The following TEKT5 variants were observed in gnomAD, a reference collection of about 807,000 sequenced individuals.
TEKT5 encodes tektin-5.
TEKT5 carries 52 observed loss-of-function variants against 48.7 expected under a neutral mutation model. That is an observed-to-expected ratio of 1.07 (90% CI 0.86 to 1.35). TEKT5 has a LOEUF of 1.35. Among genes scored for constraint, TEKT5 ranks in the 40% most tolerant of loss-of-function variants. The pLI is 0.00. For missense variants in TEKT5, 831 were observed against 641.6 expected (o/e 1.30, Z -3.19); for synonymous variants, 318 against 267.6 (o/e 1.19, Z -1.84).
At chr16:10,661,367 T>A (rs1898367489) in intron 5 of TEKT5, among the ~76,000 whole-genome samples, 1 of 152,226 alleles carries the variant, frequency 6.6e-6, no homozygotes, top group South Asian at 2.1e-4. Flanking sequence ...TGGACCAGCA[T>A]CTTTGGACTT....
intron 3 of TEKT5, among the ~76,000 whole-genome samples, chr16:10,683,197 AATTC>A (rs2142309637): frequency 6.6e-6 from 1 of 151,816 alleles, no homozygotes; most frequent in South Asian, 2.1e-4. Flanking sequence ...GGGGAATGAG[AATTC>A]CAAGCCGACA....
At chr16:10,677,850 C>T (rs145669304) in intron 4 of TEKT5, among the ~76,000 whole-genome samples, 3 of 151,462 alleles carry the variant, frequency 2.0e-5, no homozygotes, top group Non-Finnish European at 2.9e-5. Flanking sequence ...GACAGAGAGC[C>T]CAGGAGAGGT....
At chr16:10,689,015 T>C (rs1188640431) in intron 3 of TEKT5, among the ~76,000 whole-genome samples, 1 of 152,056 alleles carries the variant, frequency 6.6e-6, no homozygotes, top group Non-Finnish European at 1.5e-5. Flanking sequence ...AGTAACATCA[T>C]ATTAGCAGCT....
At chr16:10,680,775 C>T (rs531182128) in intron 4 of TEKT5, among the ~76,000 whole-genome samples, 16 of 144,592 alleles carry the variant, frequency 1.1e-4, no homozygotes, top group Non-Finnish European at 1.8e-4. Context: ...AACCAAACAC[C>T]GCATATTCTC....
At chr16:10,679,169 G>A (rs947853274) in intron 4 of TEKT5, among the ~76,000 whole-genome samples, 4 of 152,146 alleles carry the variant, frequency 2.6e-5, no homozygotes, top group Non-Finnish European at 4.4e-5. Context: ...CAGAGTAAGC[G>A]CCCAAAAAAT....
intron 5 of TEKT5, among the ~76,000 whole-genome samples, chr16:10,664,132 C>T (rs1644300066): frequency 6.6e-6 from 1 of 152,198 alleles, no homozygotes; most frequent in Non-Finnish European, 1.5e-5. Context: ...TGTGTGTTTG[C>T]TTATTTTTTT....
At chr16:10,664,468 G>A (rs983031151) in intron 5 of TEKT5, among the ~76,000 whole-genome samples, 1 of 152,218 alleles carries the variant, frequency 6.6e-6, no homozygotes, top group Non-Finnish European at 1.5e-5. Flanking sequence ...ATGGTCCAAG[G>A]ACCACACTTT....
intron 2 of TEKT5, among the ~76,000 whole-genome samples, chr16:10,689,731 T>A (rs1483070002): frequency 6.6e-6 from 1 of 152,126 alleles, no homozygotes; most frequent in East Asian, 1.9e-4. Context: ...ATCATGCCCA[T>A]TTTGGAGATG....
intron 5 of TEKT5, among the ~76,000 whole-genome samples, chr16:10,657,171 G>A (rs368883187): frequency 6.6e-6 from 1 of 150,984 alleles, no homozygotes; most frequent in East Asian, 1.9e-4. Flanking sequence ...TGTTGCCCAG[G>A]CTGGAGTGCA....
In TEKT5 at chr16:10,658,596, T is replaced by C. The variant is rs2719660; in HGVS notation, c.1086+17363A>G. On this transcript the variant is annotated intron_variant, in intron 5 of 6. Coordinates refer to ENST00000283025, the MANE Select transcript of TEKT5 (RefSeq NM_144674.2). ...TGATAGTTCCTTTGGGGAGGGGGTG[T>C]AGACTGAGAGGTGGTATGAGGGGGG... 5.5e-3 allele frequency among the ~76,000 whole-genome samples: 839 copies of C among 152,014 alleles called. 11 individuals carry two copies. Among genetic ancestry groups the C allele is most frequent in the African/African-American group, 0.02 (812 of 41,450 alleles).
rs773883675 is a variant in TEKT5, at chr16:10,694,518, G to C, written c.356C>G (p.Ser119Cys). The C allele has an allele frequency of 1.9e-6, 3 of 1,610,754 alleles. No homozygotes were observed. Among genetic ancestry groups the C allele is most frequent in the Non-Finnish European group, 2.5e-6 (3 of 1,178,354 alleles). Residue 119 changes from serine (S) to cysteine (C), a missense_variant, in exon 1 of 7, where the codon TCC becomes TGC. By Grantham distance (112) the Ser-to-Cys change is moderately radical. Transcript: ENST00000283025. ...GTCCTTGTCCTGCAAGAGCCTCATG[G>C]AGTCATCCGTCAGCCGGCTGGCCCA... ...RLWASRLTDD[S>C]MRLLQDKDQL... is the part of the protein sequence containing the mutation.
At chr16:10,636,354 G>T (rs981612683) in intron 5 of TEKT5, among the ~76,000 whole-genome samples, 7 of 148,618 alleles carry the variant, frequency 4.7e-5, no homozygotes, top group Admixed American at 6.9e-5. Flanking sequence ...CAGCCTGGGG[G>T]ACAAGAGCGA....
intron 6 of TEKT5, among the ~76,000 whole-genome samples, chr16:10,630,493 C>T (rs992819237): frequency 2.6e-5 from 4 of 152,164 alleles, no homozygotes; most frequent in Non-Finnish European, 5.9e-5. Flanking sequence ...CTCCTCCCTC[C>T]GCCTCCCAGG....
intron 4 of TEKT5, among the ~76,000 whole-genome samples, chr16:10,680,867 G>T (rs1476908041): frequency 2.9e-5 from 3 of 105,262 alleles, no homozygotes; most frequent in African/African-American, 1.0e-4. Context: ...TGTGGGGTGG[G>T]GGGAGGGGGG....
intron 5 of TEKT5, among the ~76,000 whole-genome samples, chr16:10,637,012 C>T (rs1324653505): frequency 1.4e-5 from 2 of 142,970 alleles, no homozygotes; most frequent in African/African-American, 5.4e-5. Flanking sequence ...GACGGAGTCT[C>T]GCTCTGTCAC....
intron 5 of TEKT5, among the ~76,000 whole-genome samples, chr16:10,636,549 TGAGGGAGAAGAA>T (rs2142259864): frequency 6.6e-6 from 1 of 150,642 alleles, no homozygotes; most frequent in East Asian, 2.0e-4. Flanking sequence ...AGTAAGGGAG[TGAGGGAGAAGAA>T]GAGGGAGAGG....
chr16:10,689,407 T>C, intron 2 of TEKT5, 84 bp from the exon 3 acceptor site: 1 of 1,248,020 alleles, frequency 8.0e-7, no homozygotes, highest in Non-Finnish European at 1.1e-6. Flanking sequence ...AGCTCTCCCC[T>C]CCCCTCTCAC....
At chr16:10,677,730 AGT>A (rs1898673016) in intron 4 of TEKT5, among the ~76,000 whole-genome samples, 1 of 96,494 alleles carries the variant, frequency 1.0e-5, no homozygotes, top group Non-Finnish European at 1.9e-5. Context: ...ATGGTTGACC[AGT>A]GTGTCTGGGA....
chr16:10,663,591 GACC>G (rs1361169115), intron 5 of TEKT5, among the ~76,000 whole-genome samples: 2 of 152,128 alleles, frequency 1.3e-5, no homozygotes, highest in African/African-American at 2.4e-5. Flanking sequence ...GCTCCGGAGG[GACC>G]CGGTCAGGGA....
Sources: allele counts gnomAD v4.1 joint callset (sites outside exome capture counted in the v4.1 genomes callset), GRCh38; gene constraint gnomAD v4.1.1; transcripts MANE v1.5; gene names NCBI Gene and HGNC (gene_info 2026-07-23, HGNC 2026-07-21).